Variants in SDSL observed in about 807,000 individuals in gnomAD.
SDSL encodes the protein serine dehydratase like.
A neutral mutation model predicts 27.6 loss-of-function variants in SDSL; 26 were observed. The ratio of observed to expected loss-of-function variants is 0.94; its 90% CI spans 0.69 to 1.31. The LOEUF (loss-of-function observed/expected upper bound fraction) is 1.31. Ranked by LOEUF, SDSL falls within the 50% of genes most tolerant of loss-of-function variation. The pLI, the probability that SDSL is intolerant of heterozygous loss-of-function variation, is 0.00. For synonymous variants in SDSL, 196 were observed against 180.6 expected, an observed-to-expected ratio of 1.09 and a Z score of -0.69; for missense variants, 431 against 423.5, an observed-to-expected ratio of 1.02 and a Z score of -0.16.
At chr12:113,426,180 C>T (rs1229435655) in intron 1 of SDSL, 2 of 455,880 alleles carry the variant, frequency 4.4e-6, no homozygotes, top group South Asian at 1.5e-5. Flanking sequence ...TGTCTGCATC[C>T]GCGGCACCCC....
intron 1 of SDSL, 134 bp from the exon 2 acceptor site, chr12:113,427,828 G>A (rs1957867359): frequency 1.4e-6 from 1 of 721,190 alleles, no homozygotes; most frequent in Middle Eastern, 3.9e-4. Context: ...ACTTGATGGG[G>A]GTCTCACAGC....
At chr12:113,430,582 G>C (rs1490468805) in intron 4 of SDSL, among the ~76,000 whole-genome samples, 1 of 152,112 alleles carries the variant, frequency 6.6e-6, no homozygotes, top group Non-Finnish European at 1.5e-5. Flanking sequence ...AATGGCAAGA[G>C]GGGTGAGAAG....
At chr12:113,428,233 C>T (rs556243291) in intron 2 of SDSL, 77 bp downstream of exon 2, 226 of 1,434,512 alleles carry the variant, frequency 1.6e-4, no homozygotes, top group Admixed American at 3.6e-4. Flanking sequence ...GGGCTGGGGA[C>T]GGGTTCGGGC....
At chr12:113,437,453 G>A (rs142463907) in intron 7 of SDSL, among the ~76,000 whole-genome samples, 3 of 152,198 alleles carry the variant, frequency 2.0e-5, no homozygotes, top group Non-Finnish European at 4.4e-5. Context: ...TGGACGGATG[G>A]ATGGATAATG....
rs1957877994 is a variant in SDSL, at chr12:113,428,446, G to C, written c.201G>C (p.Leu67=). Residue 67 remains leucine (L), a synonymous_variant, in exon 3 of 8, where the codon CTG becomes CTC. Coordinates refer to ENST00000403593, the MANE Select transcript of SDSL (RefSeq NM_001304993.2). ...TGGCCAAGAAGGGATGCAGACACCT[G>C]GTGTGCTCCTCAGGTGACCCCACCT... ...QEMAKKGCRH[L]VCSSGGNAGI... is the part of the protein sequence containing the mutation. The C allele has an allele frequency of 6.2e-7, 1 of 1,612,468 alleles. No individual in the cohort carries two copies. Among genetic ancestry groups the C allele is most frequent in the Non-Finnish European group, 8.5e-7 (1 of 1,179,698 alleles).
At chr12:113,428,309 G>T in intron 2 of SDSL, 111 bp from the exon 3 acceptor site, 1 of 1,313,280 alleles carries the variant, frequency 7.6e-7, no homozygotes, top group Non-Finnish European at 1.1e-6. Flanking sequence ...TGGGCAGGAT[G>T]AGGGGTAAAG....
At chr12:113,436,640 AACCAG>A in intron 6 of SDSL, 106 bp from the exon 7 acceptor site, 1 of 1,182,696 alleles carries the variant, frequency 8.5e-7, no homozygotes, top group Non-Finnish European at 1.1e-6. Flanking sequence ...GCTGAGCTCC[AACCAG>A]CCCATGGCAG....
chr12:113,429,889 A>G (rs2136953373), intron 4 of SDSL, among the ~76,000 whole-genome samples: 1 of 152,146 alleles, frequency 6.6e-6, no homozygotes, highest in Non-Finnish European at 1.5e-5. Flanking sequence ...TCCTGTATAT[A>G]GTTTCTTCCC....
In SDSL at chr12:113,429,246, C is replaced by G; in HGVS notation, c.301C>G (p.Gln101Glu). The G allele has an allele frequency of 6.2e-7, 1 of 1,613,622 alleles. No homozygotes were observed. The stretch of plus-strand genomic sequence containing the variant: ...CGTGCTCCCCGAGAGCACCTCCCTG[C>G]AGGTGGTGCAGAGGCTGCAGGGGGA... ...TIVLPESTSLQVVQRLQGEGA... is the reference protein window; with the variant it reads ...TIVLPESTSLEVVQRLQGEGA... Residue 101 changes from glutamine (Q) to glutamate (E), a missense_variant, in exon 4 of 8, where the codon CAG (glutamine) becomes GAG (glutamate). By Grantham distance (29) the Gln-to-Glu change is conservative. Coordinates refer to ENST00000403593, the MANE Select transcript of SDSL (RefSeq NM_001304993.2).
chr12:113,427,450 T>C (rs955219663), intron 1 of SDSL, among the ~76,000 whole-genome samples: 2 of 152,280 alleles, frequency 1.3e-5, no homozygotes, highest in Non-Finnish European at 2.9e-5. Context: ...ACTTTTGCTA[T>C]GTTTACATTT....
intron 1 of SDSL, 136 bp downstream of exon 1, chr12:113,422,613 G>A (rs1268069917): frequency 4.6e-5 from 7 of 152,520 alleles, no homozygotes; most frequent in Admixed American, 3.9e-4. Context: ...GGGCCTGAGC[G>A]TGTTCTAGGC....
Position 113,428,078 on chromosome 12 carries a change from G to T in SDSL, c.96G>T (p.Met32Ile). Residue 32 changes from methionine (M) to isoleucine (I), a missense_variant, in exon 2 of 8, where the codon ATG becomes ATT. Physicochemically the swap from Met to Ile is conservative, Grantham distance 10. Coordinates refer to ENST00000403593, the MANE Select transcript of SDSL (RefSeq NM_001304993.2). Reference protein sequence around the residue: ...ESWALSQVAGMPVFLKCENVQ... With the variant: ...ESWALSQVAGIPVFLKCENVQ... ...GGGCGCTGTCCCAGGTGGCGGGCATGCCTGTCTTCCTCAAGTGTGAGAATG... is the reference window on the plus strand; with the variant it reads ...GGGCGCTGTCCCAGGTGGCGGGCATTCCTGTCTTCCTCAAGTGTGAGAATG... The T allele has an allele frequency of 1.2e-5, 20 of 1,614,028 alleles. No individual in the cohort carries two copies. Among genetic ancestry groups the T allele is most frequent in the Non-Finnish European group, 1.6e-5 (19 of 1,179,982 alleles).
At position 113,429,140 on chromosome 12, in the gene SDSL, C is replaced by G. The variant is rs1338367489; in HGVS notation, c.215-20C>G. On this transcript the variant is annotated intron_variant, in intron 3 of 7. Transcript: ENST00000403593. ...GGCCAATCAGCTCTGCCCACTGCCC[C>G]TTTCCTCCTTTCTGCACAGGGGGTA... 1 of 1,605,350 alleles carries G rather than the reference C, an allele frequency of 6.2e-7. No homozygotes were observed. Among genetic ancestry groups the G allele is most frequent in the Non-Finnish European group, 8.5e-7 (1 of 1,174,084 alleles).
chr12:113,427,833 C>A, intron 1 of SDSL, 129 bp from the exon 2 acceptor site: 1 of 768,976 alleles, frequency 1.3e-6, no homozygotes, highest in Non-Finnish European at 2.0e-6. Context: ...ATGGGGGTCT[C>A]ACAGCTCAGC....
At chr12:113,424,060 T>C (rs948948657) in intron 1 of SDSL, among the ~76,000 whole-genome samples, 1 of 152,180 alleles carries the variant, frequency 6.6e-6, no homozygotes, top group Admixed American at 6.5e-5. Flanking sequence ...TAGGCTGGAG[T>C]GCAATGGCGC....
intron 5 of SDSL, among the ~76,000 whole-genome samples, chr12:113,434,769 C>A (rs767749581): frequency 6.6e-6 from 1 of 152,084 alleles, no homozygotes; most frequent in Non-Finnish European, 1.5e-5. Flanking sequence ...CAAGAAAGGG[C>A]CTGGGAGGTT....
At chr12:113,435,086 G>T (rs1957971575) in intron 5 of SDSL, among the ~76,000 whole-genome samples, 1 of 152,208 alleles carries the variant, frequency 6.6e-6, no homozygotes, top group Admixed American at 6.5e-5. Flanking sequence ...CTGCACTCCA[G>T]CCTGGGTGAC....
intron 1 of SDSL, among the ~76,000 whole-genome samples, chr12:113,427,501 T>C (rs762755069): frequency 2.6e-5 from 4 of 152,270 alleles, no homozygotes; most frequent in Non-Finnish European, 5.9e-5. Context: ...TCCTGAGAGA[T>C]GTCTTTCATG....
chr12:113,424,743 T>C (rs79919041), intron 1 of SDSL, among the ~76,000 whole-genome samples: 24 of 145,910 alleles, frequency 1.6e-4, no homozygotes, highest in South Asian at 4.4e-4. Flanking sequence ...CTCTCTCTCT[T>C]TTTTTTTTTT....
Sources: allele counts gnomAD v4.1 joint callset (sites outside exome capture counted in the v4.1 genomes callset), GRCh38; gene constraint gnomAD v4.1.1; transcripts MANE v1.5; gene names NCBI Gene and HGNC (gene_info 2026-07-23, HGNC 2026-07-21).